The following HBP1 variants were observed in gnomAD, a reference collection of about 807,000 sequenced individuals.
HBP1 encodes the protein HMG box-containing protein 1.
A neutral mutation model predicts 62.6 loss-of-function variants in HBP1; 20 were observed. The ratio of observed to expected loss-of-function variants is 0.32; its 90% CI spans 0.22 to 0.46. HBP1 has a LOEUF of 0.46. HBP1 is among the 20% of genes least tolerant of loss of function. The pLI is 1.00. For missense variants in HBP1, 480 were observed against 611.8 expected, an observed-to-expected ratio of 0.78 and a Z score of 2.27; for synonymous variants, 232 against 206.2, an observed-to-expected ratio of 1.12 and a Z score of -1.07.
At position 107,195,934 on chromosome 7, in the gene HBP1, G is replaced by A; in HGVS notation, c.1168G>A (p.Asp390Asn). 2 of 1,613,948 alleles carry A rather than the reference G, an allele frequency of 1.2e-6. No homozygotes were observed. Among genetic ancestry groups the A allele is most frequent in the Non-Finnish European group, 1.7e-6 (2 of 1,179,868 alleles). Residue 390 changes from aspartate (D) to asparagine (N), a missense_variant, in exon 9 of 11, where the codon GAC (aspartate) becomes AAC (asparagine). Transcript: ENST00000222574. ...SLSCGGPGGQ[D>N]FARSGFSKNC... is the part of the protein sequence containing the mutation. ...GTCTTGTGGAGGACCTGGTGGTCAA[G>A]ACTTTGCAAGATCTGGATTCAGTAA...
At chr7:107,188,222 C>CA (rs1325265285) in intron 6 of HBP1, among the ~76,000 whole-genome samples, 1 of 152,164 alleles carries the variant, frequency 6.6e-6, no homozygotes, top group Non-Finnish European at 1.5e-5. Context: ...GACATCTCTG[C>CA]ATGAATATCA....
chr7:107,193,556 T>G lies in HBP1; in HGVS notation c.1068-2278T>G, dbSNP rs534100896. 2.0e-5 allele frequency among the ~76,000 whole-genome samples: 3 copies of G among 152,328 alleles called. No individual in the cohort carries two copies. The South Asian group carries it at 6.2e-4, about 32-fold the overall frequency. On this transcript the variant is annotated intron_variant, in intron 8 of 10. Coordinates refer to ENST00000222574, the MANE Select transcript of HBP1 (RefSeq NM_012257.4). ...AGATTTATTTTACAGATAAGTAAAC[T>G]GAGGCTACAGGGTTTATTTAACTTG... is the stretch of plus-strand genomic sequence containing the variant.
In HBP1 at chr7:107,171,071, A is replaced by ATTTTTT. The variant is rs1160740045; in HGVS notation, c.-16+1887_-16+1888insTTTTTT. ...AATATATATATATATATATATATAT[A>ATTTTTT]TATTTTTTTTTTTTTTTGAGAGGGA... On this transcript the variant is annotated intron_variant, in intron 1 of 10. Coordinates refer to ENST00000222574, the MANE Select transcript of HBP1 (RefSeq NM_012257.4). 4.2e-3 allele frequency among the ~76,000 whole-genome samples: 355 copies of ATTTTTT among 84,292 alleles called. 62 individuals are homozygous for ATTTTTT. Among genetic ancestry groups the ATTTTTT allele is most frequent in the African/African-American group, 0.027 (336 of 12,236 alleles). 55.3% of individuals were successfully genotyped at this position (84,292 alleles called of 152,430 possible). A position where few individuals can be genotyped will look rare whatever the true frequency, so the allele number is the denominator to read the frequency against.
At chr7:107,181,254 G>T (rs1797089766) in intron 2 of HBP1, among the ~76,000 whole-genome samples, 1 of 152,068 alleles carries the variant, frequency 6.6e-6, no homozygotes, top group African/African-American at 2.4e-5. Context: ...AGGACAAGGT[G>T]GGAGGAGTTC....
At chr7:107,179,843 C>G (rs372194654) in intron 1 of HBP1, 36 bp from the exon 2 acceptor site, 1 of 1,427,444 alleles carries the variant, frequency 7.0e-7, no homozygotes, top group Non-Finnish European at 9.8e-7. Context: ...AATTGCATGG[C>G]TTGACATCAT....
At chr7:107,183,927 A>G (rs1383220966) in intron 3 of HBP1, among the ~76,000 whole-genome samples, 4 of 152,180 alleles carry the variant, frequency 2.6e-5, no homozygotes, top group Non-Finnish European at 5.9e-5. Context: ...TCTGAAGTCT[A>G]TAGTTAAGGA....
At chr7:107,194,287 C>A (rs186960927) in intron 8 of HBP1, among the ~76,000 whole-genome samples, 1 of 151,866 alleles carries the variant, frequency 6.6e-6, no homozygotes, top group Non-Finnish European at 1.5e-5. Context: ...ATTAGCTTAC[C>A]CAGTATCTTT....
At chr7:107,169,924 A>C (rs1417048961) in intron 1 of HBP1, 1 of 985,384 alleles carries the variant, frequency 1.0e-6, no homozygotes, top group Admixed American at 6.1e-5. Context: ...AGGCGATTCC[A>C]GTCTCCGCCT....
At chr7:107,172,142 A>G (rs1027552090) in intron 1 of HBP1, among the ~76,000 whole-genome samples, 12 of 151,982 alleles carry the variant, frequency 7.9e-5, no homozygotes, top group Non-Finnish European at 1.8e-4. Flanking sequence ...TAGAAACATA[A>G]TTTTCTCCAT....
intron 7 of HBP1, 106 bp from the exon 8 acceptor site, chr7:107,190,067 C>T: frequency 1.3e-6 from 1 of 780,904 alleles, no homozygotes; most frequent in Non-Finnish European, 2.0e-6. Context: ...TCTCTTGAGA[C>T]TTAGCAATAA....
chr7:107,179,720 C>T (rs187074621), intron 1 of HBP1, 159 bp from the exon 2 acceptor site: 53 of 412,360 alleles, frequency 1.3e-4, no homozygotes, highest in African/African-American at 7.8e-4. Context: ...TGCAGTGAGC[C>T]GAGATCACGC....
chr7:107,189,750 TAA>T (rs1184559487), intron 7 of HBP1: 1 of 246,508 alleles, frequency 4.1e-6, no homozygotes, highest in Non-Finnish European at 7.7e-6. Context: ...ACATTTTCAT[TAA>T]GAGTTACCAA....
intron 1 of HBP1, among the ~76,000 whole-genome samples, chr7:107,176,042 C>T (rs1488913496): frequency 5.0e-5 from 7 of 138,676 alleles, no homozygotes; most frequent in South Asian, 2.3e-4. Context: ...TTTTTTTTTT[C>T]GGAAATGGAG....
chr7:107,180,418 T>A (rs1453908379), intron 2 of HBP1, among the ~76,000 whole-genome samples: 1 of 152,234 alleles, frequency 6.6e-6, no homozygotes, highest in Non-Finnish European at 1.5e-5. Flanking sequence ...GCTGGTATGA[T>A]GTGGAAATTA....
chr7:107,170,426 T>G (rs368307368), intron 1 of HBP1, among the ~76,000 whole-genome samples: 200 of 146,024 alleles, frequency 1.4e-3, no homozygotes, highest in Admixed American at 8.9e-3. Context: ...GTACTTTTGG[T>G]TTTTTTTTGC....
chr7:107,169,205 G>A lies in HBP1; in HGVS notation c.-16+20G>A. 1.1e-6 allele frequency: 1 copy of A among 950,214 alleles called. No individual in the cohort carries two copies. Among genetic ancestry groups the A allele is most frequent in the Non-Finnish European group, 1.3e-6 (1 of 763,766 alleles). 58.9% of individuals were successfully genotyped at this position (950,214 alleles called of 1,614,324 possible). On this transcript the variant is annotated intron_variant, in intron 1 of 10. Coordinates refer to ENST00000222574, the MANE Select transcript of HBP1 (RefSeq NM_012257.4). Reference sequence around the variant, plus strand: ...CGGCAGGTTTGTTGTCTTTCAGTTAGGGAAGAGGTGGGGGTGGGGAAGGGA... The same window carrying A: ...CGGCAGGTTTGTTGTCTTTCAGTTAAGGAAGAGGTGGGGGTGGGGAAGGGA...
intron 1 of HBP1, among the ~76,000 whole-genome samples, chr7:107,175,176 G>GTA (rs1584475291): frequency 6.6e-6 from 1 of 151,716 alleles, no homozygotes; most frequent in East Asian, 1.9e-4. Context: ...CTGTTTTAAA[G>GTA]TATAGTTCTG....
rs375861211 is a variant in HBP1, at chr7:107,179,931, C to T, written c.38C>T (p.Ala13Val). ...GTGAAGACAAATCAGATGCCTAATG[C>T]AGTACAGAAACTCCTGTTGGTGATG... is the stretch of plus-strand genomic sequence containing the variant. ...WEVKTNQMPN[A>V]VQKLLLVMDK... The change falls in exon 2 of 11, where the codon GCA becomes GTA. Residue 13 changes from alanine (A) to valine (V), a missense_variant. Physicochemically the swap from Ala to Val is moderately conservative, Grantham distance 64. Transcript: ENST00000222574. 1.2e-6 allele frequency: 2 copies of T among 1,608,104 alleles called. No homozygotes were observed. The highest frequency in any genetic ancestry group is 1.7e-5 in the Admixed American group (1 of 59,962).
In HBP1 at chr7:107,201,710, C is replaced by T; in HGVS notation, c.*279C>T. 2.8e-6 allele frequency: 1 copy of T among 352,648 alleles called. No individual in the cohort carries two copies. Among genetic ancestry groups the T allele is most frequent in the Non-Finnish European group, 5.1e-6 (1 of 194,568 alleles). 21.8% of individuals were successfully genotyped at this position (352,648 alleles called of 1,614,324 possible). A position where few individuals can be genotyped will look rare whatever the true frequency, so the allele number is the denominator to read the frequency against. On this transcript the variant is annotated 3_prime_UTR_variant, in exon 11 of 11. Coordinates refer to ENST00000222574, the MANE Select transcript of HBP1 (RefSeq NM_012257.4). The stretch of plus-strand genomic sequence containing the variant: ...TAATAATAGGCTTGAAAATTGATAT[C>T]CTGTGGTGCTAAAGTACAGTAGAAA...
Sources: gnomAD v4.1 joint callset for allele counts (sites outside exome capture counted in the v4.1 genomes callset) on GRCh38, gnomAD v4.1.1 for gene constraint, MANE v1.5 for transcripts, NCBI Gene and HGNC (gene_info 2026-07-23, HGNC 2026-07-21) for gene names.